The following CFAP95 variants were observed in gnomAD, a reference collection of about 807,000 sequenced individuals.
The protein encoded by CFAP95 is cilia and flagella associated protein 95.
At chr9:69,897,396 A>T in the CFAP95 span, among the ~76,000 whole-genome samples, 1 of 152,208 alleles carries the variant, frequency 6.6e-6, no homozygotes, top group East Asian at 1.9e-4. Context: ...AACATAAACC[A>T]TTATGCATTT....
At chr9:69,901,561 C>G in the CFAP95 span, among the ~76,000 whole-genome samples, 2 of 152,082 alleles carry the variant, frequency 1.3e-5, no homozygotes, top group Admixed American at 6.6e-5. Context: ...GGTGTATATG[C>G]GCCACATTTT....
chr9:69,895,363 C>CTG, the CFAP95 span, among the ~76,000 whole-genome samples: 25 of 90,216 alleles, frequency 2.8e-4, no homozygotes, highest in Middle Eastern at 8.9e-3. Flanking sequence ...CTCTCTCTCT[C>CTG]TCTCTCTGTG....
the CFAP95 span, among the ~76,000 whole-genome samples, chr9:69,870,978 G>T: frequency 6.6e-6 from 1 of 152,154 alleles, no homozygotes; most frequent in Non-Finnish European, 1.5e-5. Flanking sequence ...CAGCAGTTTG[G>T]GAGGCTGAGG....
chr9:69,900,286 G>A, the CFAP95 span, among the ~76,000 whole-genome samples: 1 of 151,934 alleles, frequency 6.6e-6, no homozygotes, highest in African/African-American at 2.4e-5. Flanking sequence ...TTTTACACTA[G>A]TATGAGCAGA....
At chr9:69,834,488 C>T in the CFAP95 span, among the ~76,000 whole-genome samples, 1 of 152,176 alleles carries the variant, frequency 6.6e-6, no homozygotes, top group Non-Finnish European at 1.5e-5. Context: ...ATACATGTCC[C>T]TTCAGCTGTT....
chr9:69,886,543 G>C, the CFAP95 span, among the ~76,000 whole-genome samples: 1 of 152,134 alleles, frequency 6.6e-6, no homozygotes, highest in East Asian at 1.9e-4. Context: ...ACAGAAATGT[G>C]TTCTAATTGA....
At chr9:69,900,393 G>GCATC in the CFAP95 span, among the ~76,000 whole-genome samples, 1 of 152,214 alleles carries the variant, frequency 6.6e-6, no homozygotes, top group African/African-American at 2.4e-5. Flanking sequence ...TGCCAGAAGG[G>GCATC]AGGAGGAGGG....
At chr9:69,890,626 T>A in the CFAP95 span, among the ~76,000 whole-genome samples, 2 of 152,250 alleles carry the variant, frequency 1.3e-5, no homozygotes, top group African/African-American at 4.8e-5. Context: ...TGCTAGAGAC[T>A]TCACCATGTG....
chr9:69,850,364 T>C, the CFAP95 span, among the ~76,000 whole-genome samples: 1 of 152,254 alleles, frequency 6.6e-6, no homozygotes, highest in Non-Finnish European at 1.5e-5. Context: ...ACAGATATTT[T>C]GGATTTAAAA....
chr9:69,867,395 T>C, the CFAP95 span, among the ~76,000 whole-genome samples: 2 of 152,216 alleles, frequency 1.3e-5, no homozygotes, highest in African/African-American at 4.8e-5. Flanking sequence ...ATTCAAGTTA[T>C]ATCTGCCAAG....
chr9:69,821,541 A>G, the CFAP95 span, among the ~76,000 whole-genome samples: 4 of 152,216 alleles, frequency 2.6e-5, no homozygotes, highest in African/African-American at 4.8e-5. Flanking sequence ...GGCCAGGGGC[A>G]CAGCAGGAGG....
the CFAP95 span, among the ~76,000 whole-genome samples, chr9:69,849,543 A>G: frequency 6.6e-6 from 1 of 152,220 alleles, no homozygotes. Flanking sequence ...AAATGGGAAC[A>G]CATAACCACG....
chr9:69,827,031 A>T, the CFAP95 span, among the ~76,000 whole-genome samples: 1 of 152,188 alleles, frequency 6.6e-6, no homozygotes, highest in Non-Finnish European at 1.5e-5. Flanking sequence ...TGTAGAAATG[A>T]CCTTAGAAGG....
At chr9:69,871,624 C>T in the CFAP95 span, among the ~76,000 whole-genome samples, 2,492 of 150,398 alleles carry the variant, frequency 0.017, 74 homozygotes, top group African/African-American at 0.057. Flanking sequence ...TGATTAATTA[C>T]GGGGGTAAAG....
the CFAP95 span, among the ~76,000 whole-genome samples, chr9:69,861,749 AAAAAC>A: frequency 6.7e-6 from 1 of 148,346 alleles, no homozygotes; most frequent in Admixed American, 6.7e-5. Context: ...AAAAAAAAAA[AAAAAC>A]ACAACATTTT....
the CFAP95 span, among the ~76,000 whole-genome samples, chr9:69,874,232 G>C: frequency 1.3e-5 from 2 of 152,072 alleles, no homozygotes; most frequent in African/African-American, 4.8e-5. Flanking sequence ...ATAAACACCA[G>C]AATTCTAAGT....
chr9:69,878,057 A>G, the CFAP95 span, among the ~76,000 whole-genome samples: 3 of 152,230 alleles, frequency 2.0e-5, no homozygotes, highest in Non-Finnish European at 2.9e-5. Context: ...TCCTAGTTCA[A>G]GAGTGCCCTC....
the CFAP95 span, chr9:69,856,822 T>A: frequency 2.1e-6 from 1 of 476,510 alleles, no homozygotes; most frequent in African/African-American, 2.0e-5. Context: ...CTGCTCATGC[T>A]GTTCTCTCTG....
the CFAP95 span, among the ~76,000 whole-genome samples, chr9:69,880,128 TTG>T: frequency 1.3e-5 from 2 of 152,224 alleles, no homozygotes; most frequent in Non-Finnish European, 2.9e-5. Flanking sequence ...CATTTATCCT[TTG>T]TGTTACAAAC....
Sources: gnomAD v4.1 joint callset for allele counts (sites outside exome capture counted in the v4.1 genomes callset) on GRCh38, gnomAD v4.1.1 for gene constraint, MANE v1.5 for transcripts, NCBI Gene and HGNC (gene_info 2026-07-23, HGNC 2026-07-21) for gene names.